The following JAKMIP2 variants were observed in gnomAD, a reference collection of about 807,000 sequenced individuals.
The protein encoded by JAKMIP2 is janus kinase and microtubule interacting protein 2.
A neutral mutation model predicts 115.0 loss-of-function variants in JAKMIP2; 25 were observed. That is an observed-to-expected ratio of 0.22 (90% CI 0.16 to 0.30). The LOEUF (loss-of-function observed/expected upper bound fraction) is 0.30, where lower values mean the gene tolerates loss of function less well. Among genes scored for constraint, JAKMIP2 ranks in the 10% least tolerant of loss-of-function variants. The pLI, the probability that JAKMIP2 is intolerant of heterozygous loss-of-function variation, is 1.00. For missense variants in JAKMIP2, 642 were observed against 957.6 expected (o/e 0.67, Z 4.35); for synonymous variants, 334 against 343.6 (o/e 0.97, Z 0.31).
At chr5:147,626,936 G>C (rs2126672164) in intron 16 of JAKMIP2, among the ~76,000 whole-genome samples, 1 of 152,272 alleles carries the variant, frequency 6.6e-6, no homozygotes, top group East Asian at 1.9e-4. Context: ...AGCAGCACTG[G>C]AGGCACAGAC....
At chr5:147,781,099 A>AC (rs1755740286) in intron 1 of JAKMIP2, among the ~76,000 whole-genome samples, 1 of 151,990 alleles carries the variant, frequency 6.6e-6, no homozygotes, top group Non-Finnish European at 1.5e-5. Flanking sequence ...ATTACAATAG[A>AC]CCCCCATTTC....
At chr5:147,719,665 T>C (rs1753177031) in intron 1 of JAKMIP2, among the ~76,000 whole-genome samples, 1 of 151,414 alleles carries the variant, frequency 6.6e-6, no homozygotes, top group East Asian at 2.0e-4. Flanking sequence ...AGACTAGGAT[T>C]GCAACCCCTG....
At chr5:147,688,440 G>A (rs927927222) in intron 1 of JAKMIP2, among the ~76,000 whole-genome samples, 4 of 152,108 alleles carry the variant, frequency 2.6e-5, no homozygotes, top group African/African-American at 9.7e-5. Flanking sequence ...AATAAAAGGG[G>A]ATTTGGTGCC....
At chr5:147,779,254 T>C (rs1755672064) in intron 1 of JAKMIP2, among the ~76,000 whole-genome samples, 1 of 152,054 alleles carries the variant, frequency 6.6e-6, no homozygotes. Flanking sequence ...AATTAGTGTG[T>C]CTTAATTAAA....
intron 1 of JAKMIP2, among the ~76,000 whole-genome samples, chr5:147,731,569 GGAA>G (rs1753735569): frequency 6.6e-6 from 1 of 152,074 alleles, no homozygotes; most frequent in Admixed American, 6.6e-5. Flanking sequence ...TGTTTTTCTA[GGAA>G]GAAGACCTTT....
intron 1 of JAKMIP2, among the ~76,000 whole-genome samples, chr5:147,713,811 A>C (rs1752869277): frequency 2.6e-5 from 4 of 152,270 alleles, no homozygotes; most frequent in Non-Finnish European, 5.9e-5. Context: ...GTGTCTAGGT[A>C]AGCTTGATTA....
chr5:147,748,241 C>T (rs1754422082), intron 1 of JAKMIP2, among the ~76,000 whole-genome samples: 1 of 151,910 alleles, frequency 6.6e-6, no homozygotes, highest in South Asian at 2.1e-4. Flanking sequence ...ACAGCTAATA[C>T]CAAATAGAGT....
chr5:147,644,843 T>C lies in JAKMIP2; in HGVS notation c.1083+7A>G. ...AGCTGCAGTTTTGCAGAGTCTGTGA[T>C]ACACACCATTTCTGAATTTTCCTTG... On this transcript the variant is annotated splice_region_variant and intron_variant, in intron 6 of 21. Coordinates refer to ENST00000616793, the MANE Select transcript of JAKMIP2 (RefSeq NM_001270941.2). 1 of 1,612,808 alleles carries C rather than the reference T, an allele frequency of 6.2e-7. No individual in the cohort carries two copies. Among genetic ancestry groups the C allele is most frequent in the Non-Finnish European group, 8.5e-7 (1 of 1,179,484 alleles).
At chr5:147,626,108 AC>A (rs1757081375) in intron 16 of JAKMIP2, among the ~76,000 whole-genome samples, 1 of 152,196 alleles carries the variant, frequency 6.6e-6, no homozygotes, top group Non-Finnish European at 1.5e-5. Flanking sequence ...TAGTCTCAAG[AC>A]ATTCATTGTT....
rs1487031687 is a variant in JAKMIP2 at position 147,585,841 on chromosome 5, G to C, written c.*5866C>G. ...TTAGCTCTATACTTGAGTCCCCAAA[G>C]TATTGGATCTTGAAGGCTAAAACAT... is the stretch of plus-strand genomic sequence containing the variant. On this transcript the variant is annotated 3_prime_UTR_variant, in exon 22 of 22. Coordinates refer to ENST00000616793, the MANE Select transcript of JAKMIP2 (RefSeq NM_001270941.2). The C allele has an allele frequency of 6.6e-6, 1 of 152,104 alleles. No individual in the cohort carries two copies. The highest frequency in any genetic ancestry group is 1.5e-5 in the Non-Finnish European group (1 of 68,030). 9.4% of individuals were successfully genotyped at this position (152,104 alleles called of 1,614,324 possible).
intron 8 of JAKMIP2, 37 bp from the exon 9 acceptor site, chr5:147,640,860 T>C (rs1173139912): frequency 6.3e-7 from 1 of 1,596,808 alleles, no homozygotes; most frequent in Admixed American, 1.7e-5. Flanking sequence ...CTGACATAGC[T>C]AACAGTAGGG....
At chr5:147,722,598 C>T (rs1007175186) in intron 1 of JAKMIP2, among the ~76,000 whole-genome samples, 2 of 152,076 alleles carry the variant, frequency 1.3e-5, no homozygotes, top group East Asian at 3.9e-4. Flanking sequence ...ATGACTAGCC[C>T]CAGCCAAGTG....
intron 5 of JAKMIP2, among the ~76,000 whole-genome samples, chr5:147,648,005 CACAA>C (rs773426154): frequency 1.3e-4 from 20 of 152,076 alleles, no homozygotes; most frequent in African/African-American, 4.8e-4. Context: ...GGATAAATCT[CACAA>C]ACAAAGCTGA....
At chr5:147,620,500 A>C (rs1019381066) in intron 18 of JAKMIP2, among the ~76,000 whole-genome samples, 166 bp downstream of exon 18, 22 of 152,200 alleles carry the variant, frequency 1.4e-4, no homozygotes, top group Non-Finnish European at 3.1e-4. Flanking sequence ...ATAAGTAAAG[A>C]GCTAGGAATG....
At chr5:147,666,216 G>T (rs1382852995) in intron 2 of JAKMIP2, among the ~76,000 whole-genome samples, 1 of 152,034 alleles carries the variant, frequency 6.6e-6, no homozygotes, top group Non-Finnish European at 1.5e-5. Context: ...AATTTTTGGG[G>T]AAAAAGGCCA....
At chr5:147,725,567 T>C (rs967133042) in intron 1 of JAKMIP2, among the ~76,000 whole-genome samples, 6 of 152,024 alleles carry the variant, frequency 3.9e-5, no homozygotes, top group African/African-American at 1.5e-4. Flanking sequence ...GCAGAACCAA[T>C]TGGCTGACTT....
At chr5:147,759,762 T>A (rs957285984) in intron 1 of JAKMIP2, among the ~76,000 whole-genome samples, 9 of 152,004 alleles carry the variant, frequency 5.9e-5, no homozygotes, top group African/African-American at 1.9e-4. Context: ...GAGGAAGAGA[T>A]CAGGAGAGGA....
At chr5:147,592,221 T>A (rs1755132032) in intron 21 of JAKMIP2, among the ~76,000 whole-genome samples, 1 of 152,188 alleles carries the variant, frequency 6.6e-6, no homozygotes, top group Admixed American at 6.5e-5. Context: ...ACTTTTGAAG[T>A]CTCCAGTATC....
chr5:147,652,953 C>A (rs1056573172), intron 3 of JAKMIP2, among the ~76,000 whole-genome samples: 8 of 152,038 alleles, frequency 5.3e-5, no homozygotes, highest in African/African-American at 1.9e-4. Context: ...CGGGAACATG[C>A]AGTGTTTGGT....
Sources: allele counts gnomAD v4.1 joint callset (sites outside exome capture counted in the v4.1 genomes callset), GRCh38; gene constraint gnomAD v4.1.1; transcripts MANE v1.5; gene names NCBI Gene and HGNC (gene_info 2026-07-23, HGNC 2026-07-21).